Variants in ANO10 observed in about 807,000 individuals in gnomAD.
The protein encoded by ANO10 is anoctamin 10, also known as anoctamin-10.
ANO10 carries 77 observed loss-of-function variants against 74.7 expected under a neutral mutation model. The ratio of observed to expected loss-of-function variants is 1.03; its 90% CI spans 0.86 to 1.25. ANO10 has a LOEUF of 1.25. ANO10 is among the 50% of genes most tolerant of loss of function. The pLI is 0.00. For missense variants in ANO10, 721 were observed against 778.1 expected, an observed-to-expected ratio of 0.93 and a Z score of 0.87; for synonymous variants, 279 against 284.9, an observed-to-expected ratio of 0.98 and a Z score of 0.21.
At chr3:43,375,999 A>G (rs1018192301) in intron 12 of ANO10, among the ~76,000 whole-genome samples, 2 of 152,236 alleles carry the variant, frequency 1.3e-5, no homozygotes, top group Non-Finnish European at 2.9e-5. Flanking sequence ...TGGAGGAAAG[A>G]GAATGGAAGG....
At chr3:43,459,312 T>C (rs1026887) in intron 11 of ANO10, among the ~76,000 whole-genome samples, 33,900 of 152,116 alleles carry the variant, frequency 0.22, 4,314 homozygotes, top group Middle Eastern at 0.37. Flanking sequence ...CAGATTCCAT[T>C]TCTACCTGAT....
intron 1 of ANO10, among the ~76,000 whole-genome samples, chr3:43,612,970 C>T (rs139617808): frequency 2.3e-4 from 35 of 152,232 alleles, no homozygotes; most frequent in East Asian, 1.7e-3. Context: ...GAGTTCGAGA[C>T]CAGCCTGGCC....
At chr3:43,399,059 C>G (rs1226969891) in intron 12 of ANO10, among the ~76,000 whole-genome samples, 2 of 152,200 alleles carry the variant, frequency 1.3e-5, no homozygotes, top group Non-Finnish European at 2.9e-5. Context: ...AACTTCTGGG[C>G]TCAAGTGATC....
chr3:43,670,911 C>A (rs7632220), intron 1 of ANO10, among the ~76,000 whole-genome samples: 3,444 of 152,234 alleles, frequency 0.023, 87 homozygotes, highest in African/African-American at 0.057. Flanking sequence ...TGTGGTGAGA[C>A]AGCATTTATC....
chr3:43,518,155 C>T (rs924003949), intron 11 of ANO10, among the ~76,000 whole-genome samples: 1 of 152,128 alleles, frequency 6.6e-6, no homozygotes, highest in Non-Finnish European at 1.5e-5. Context: ...AACGGAGGGA[C>T]CTGCTGAAGC....
At chr3:43,432,978 A>C (rs2093011669) in intron 11 of ANO10, among the ~76,000 whole-genome samples, 1 of 33,086 alleles carries the variant, frequency 3.0e-5, no homozygotes, top group African/African-American at 8.5e-5. Context: ...TTTTTTTGAG[A>C]CCGAGTTTCA....
intron 12 of ANO10, among the ~76,000 whole-genome samples, chr3:43,401,395 T>C (rs1282110088): frequency 6.6e-6 from 1 of 150,386 alleles, no homozygotes; most frequent in Non-Finnish European, 1.5e-5. Flanking sequence ...ATACATTAAA[T>C]TTTTTAAAAG....
chr3:43,642,092 T>C (rs575233081), intron 1 of ANO10, among the ~76,000 whole-genome samples: 1 of 152,338 alleles, frequency 6.6e-6, no homozygotes, highest in Non-Finnish European at 1.5e-5. Flanking sequence ...GGGCAAGGTA[T>C]GTTAATTGAC....
At chr3:43,691,163 C>G in intron 1 of ANO10, 1 of 973,480 alleles carries the variant, frequency 1.0e-6, no homozygotes, top group South Asian at 2.8e-5. Context: ...GCGGCTTCCT[C>G]GACCCTCCCC....
chr3:43,570,729 C>T (rs1180736272), intron 7 of ANO10, among the ~76,000 whole-genome samples: 2 of 143,926 alleles, frequency 1.4e-5, no homozygotes, highest in Non-Finnish European at 1.5e-5. Flanking sequence ...ACCATAAAAA[C>T]CCTAGAAGAA....
chr3:43,593,163 G>A (rs547818638), intron 4 of ANO10, among the ~76,000 whole-genome samples: 1 of 152,316 alleles, frequency 6.6e-6, no homozygotes, highest in East Asian at 1.9e-4. Context: ...CGGAGAGAAT[G>A]GAAACAAGTT....
At chr3:43,504,568 A>AT (rs1156706749) in intron 11 of ANO10, among the ~76,000 whole-genome samples, 2 of 152,136 alleles carry the variant, frequency 1.3e-5, no homozygotes, top group African/African-American at 4.8e-5. Context: ...GTTCATAAAA[A>AT]AAACAGATTA....
chr3:43,381,261 T>C (rs1165911843), intron 12 of ANO10, among the ~76,000 whole-genome samples: 2 of 152,140 alleles, frequency 1.3e-5, no homozygotes, highest in Non-Finnish European at 2.9e-5. Flanking sequence ...ACTTAAAAGA[T>C]ACAGAATGGC....
chr3:43,486,202 A>G (rs988202001), intron 11 of ANO10, among the ~76,000 whole-genome samples: 2 of 152,222 alleles, frequency 1.3e-5, no homozygotes, highest in Non-Finnish European at 2.9e-5. Flanking sequence ...GAGGGCCTCT[A>G]GCTATGAGGC....
intron 9 of ANO10, among the ~76,000 whole-genome samples, chr3:43,558,894 G>A (rs534634352): frequency 5.3e-5 from 8 of 152,274 alleles, no homozygotes; most frequent in East Asian, 3.9e-4. Flanking sequence ...GCCAGATCAC[G>A]CAGAACCCTG....
intron 12 of ANO10, among the ~76,000 whole-genome samples, chr3:43,391,450 T>C (rs913219030): frequency 1.3e-5 from 2 of 152,196 alleles, no homozygotes; most frequent in African/African-American, 4.8e-5. Context: ...TCAACTTTGC[T>C]GAATTTAGGG....
intron 1 of ANO10, among the ~76,000 whole-genome samples, chr3:43,661,758 G>C (rs1302591979): frequency 6.6e-6 from 1 of 151,974 alleles, no homozygotes; most frequent in Non-Finnish European, 1.5e-5. Context: ...TTGCAATTCT[G>C]GTCTCTGATA....
intron 11 of ANO10, among the ~76,000 whole-genome samples, chr3:43,531,900 CAA>C (rs397952583): frequency 3.3e-5 from 4 of 122,718 alleles, no homozygotes; most frequent in Admixed American, 1.7e-4. Flanking sequence ...GACCCTGTCT[CAA>C]AAAAAAAAAA....
intron 12 of ANO10, among the ~76,000 whole-genome samples, chr3:43,383,104 T>C (rs2092014656): frequency 6.6e-6 from 1 of 152,048 alleles, no homozygotes; most frequent in African/African-American, 2.4e-5. Flanking sequence ...CTGATGAACA[T>C]AGATGCAAAA....
Sources: gnomAD v4.1 joint callset for allele counts (sites outside exome capture counted in the v4.1 genomes callset) on GRCh38, gnomAD v4.1.1 for gene constraint, MANE v1.5 for transcripts, NCBI Gene and HGNC (gene_info 2026-07-23, HGNC 2026-07-21) for gene names.